Variants in STXBP5 observed in about 807,000 individuals in gnomAD.
STXBP5 encodes the protein syntaxin binding protein 5.
A neutral mutation model predicts 152.4 loss-of-function variants in STXBP5; 50 were observed. The observed-to-expected ratio is 0.33, with a 90% confidence interval of 0.26 to 0.42. The LOEUF is 0.42. STXBP5 is among the 10% of genes least tolerant of loss of function. The probability of loss-of-function intolerance (pLI) is 1.00; values close to 1 mark genes in which losing one functional copy is unlikely to be tolerated. For missense variants in STXBP5, 1,167 were observed against 1,388.6 expected (o/e 0.84, Z 2.54); for synonymous variants, 492 against 494.7 (o/e 0.99, Z 0.07).
intron 26 of STXBP5, among the ~76,000 whole-genome samples, chr6:147,375,875 C>T (rs1785787657): frequency 6.6e-6 from 1 of 151,910 alleles, no homozygotes; most frequent in Admixed American, 6.6e-5. Context: ...GTAAGATGAT[C>T]TTCTGTATAT....
At chr6:147,373,272 C>A (rs1439596055) in intron 25 of STXBP5, among the ~76,000 whole-genome samples, 2 of 133,950 alleles carry the variant, frequency 1.5e-5, no homozygotes, top group African/African-American at 5.6e-5. Flanking sequence ...GGCTGAGACA[C>A]AAGAATCACT....
intron 4 of STXBP5, among the ~76,000 whole-genome samples, chr6:147,240,014 C>A (rs193126489): frequency 8.6e-5 from 13 of 151,680 alleles, no homozygotes; most frequent in African/African-American, 3.1e-4. Context: ...ATGATCTGGG[C>A]TCACTGCAAC....
intron 2 of STXBP5, among the ~76,000 whole-genome samples, chr6:147,222,863 C>CTT (rs1777527539): frequency 6.6e-6 from 1 of 152,200 alleles, no homozygotes; most frequent in Admixed American, 6.5e-5. Context: ...GACTTTCTGA[C>CTT]TTGCCTATTT....
rs1782505925 is a variant in STXBP5, at chr6:147,313,883, G to A, written c.1146-1G>A. The A allele has an allele frequency of 6.6e-7, 1 of 1,516,644 alleles. No homozygotes were observed. Among genetic ancestry groups the A allele is most frequent in the Admixed American group, 1.8e-5 (1 of 56,666 alleles). 93.9% of individuals were successfully genotyped at this position (1,516,644 alleles called of 1,614,324 possible). ...ATACTTTTCTTTTTCTGTTGTTAAAGATATCCTATATTTGAAAATCCCTAC... is the reference window on the plus strand; with the variant it reads ...ATACTTTTCTTTTTCTGTTGTTAAAAATATCCTATATTTGAAAATCCCTAC... On this transcript the variant is annotated splice_acceptor_variant, in intron 11 of 27. Transcript: ENST00000321680. LOFTEE classifies it high-confidence loss of function.
intron 4 of STXBP5, among the ~76,000 whole-genome samples, chr6:147,248,859 A>G (rs1407052021): frequency 6.6e-6 from 1 of 152,206 alleles, no homozygotes; most frequent in Admixed American, 6.5e-5. Context: ...TGAGCACTTA[A>G]GAGACTGGAT....
intron 7 of STXBP5, among the ~76,000 whole-genome samples, chr6:147,268,805 A>G (rs1780014622): frequency 6.6e-6 from 1 of 152,216 alleles, no homozygotes; most frequent in Non-Finnish European, 1.5e-5. Flanking sequence ...ATTGAACAAC[A>G]GTTTTCAGCA....
intron 2 of STXBP5, among the ~76,000 whole-genome samples, chr6:147,226,795 A>G (rs563553742): frequency 6.6e-6 from 1 of 152,282 alleles, no homozygotes; most frequent in South Asian, 2.1e-4. Flanking sequence ...TGAGATTTGT[A>G]CCCTCAGTGC....
At chr6:147,231,772 G>A (rs1380834993) in intron 2 of STXBP5, among the ~76,000 whole-genome samples, 1 of 151,764 alleles carries the variant, frequency 6.6e-6, no homozygotes, top group African/African-American at 2.4e-5. Flanking sequence ...CATAGCCACA[G>A]TAAGTGGAAA....
At chr6:147,292,443 T>C in intron 9 of STXBP5, 1 of 261,716 alleles carries the variant, frequency 3.8e-6, no homozygotes, top group Non-Finnish European at 7.5e-6. Context: ...CAGACATTAG[T>C]TGTTTAATTG....
At chr6:147,249,266 T>C (rs1443724799) in intron 4 of STXBP5, among the ~76,000 whole-genome samples, 1 of 151,358 alleles carries the variant, frequency 6.6e-6, no homozygotes, top group Non-Finnish European at 1.5e-5. Context: ...AAAAAAAAAA[T>C]ACACCTGGTA....
At chr6:147,349,115 A>G (rs1784475468) in intron 21 of STXBP5, among the ~76,000 whole-genome samples, 1 of 152,160 alleles carries the variant, frequency 6.6e-6, no homozygotes, top group South Asian at 2.1e-4. Flanking sequence ...AGCCCTCTGA[A>G]TCTGTTAATT....
chr6:147,269,572 G>T (rs1013771444), intron 7 of STXBP5, among the ~76,000 whole-genome samples: 4 of 152,128 alleles, frequency 2.6e-5, no homozygotes, highest in Admixed American at 6.5e-5. Flanking sequence ...GATACCATTG[G>T]CATCAAAAAT....
intron 2 of STXBP5, among the ~76,000 whole-genome samples, chr6:147,213,267 C>T (rs1264274049): frequency 6.7e-6 from 1 of 150,120 alleles, no homozygotes; most frequent in African/African-American, 2.5e-5. Flanking sequence ...AGAATTTTTT[C>T]TTTCTTTTTT....
intron 4 of STXBP5, among the ~76,000 whole-genome samples, chr6:147,253,867 G>T (rs1354869980): frequency 6.6e-6 from 1 of 152,058 alleles, no homozygotes; most frequent in African/African-American, 2.4e-5. Flanking sequence ...TGGCCATACT[G>T]CCCAAAGTAA....
intron 21 of STXBP5, among the ~76,000 whole-genome samples, chr6:147,345,186 G>A (rs1049858814): frequency 6.6e-6 from 1 of 151,804 alleles, no homozygotes; most frequent in Non-Finnish European, 1.5e-5. Context: ...TGACAGTTTT[G>A]GTTCATTTAT....
chr6:147,375,645 A>G (rs1785775747), intron 26 of STXBP5, among the ~76,000 whole-genome samples: 1 of 150,770 alleles, frequency 6.6e-6, no homozygotes, highest in Non-Finnish European at 1.5e-5. Context: ...ATATATATAA[A>G]GAAAGAAGTC....
chr6:147,354,646 C>T (rs540611179), intron 22 of STXBP5, among the ~76,000 whole-genome samples: 4 of 152,034 alleles, frequency 2.6e-5, no homozygotes, highest in Non-Finnish European at 5.9e-5. Context: ...TCTGGGTAAA[C>T]ACATGTAAAT....
intron 9 of STXBP5, among the ~76,000 whole-genome samples, chr6:147,298,468 A>G (rs895908697): frequency 2.7e-4 from 41 of 152,110 alleles, no homozygotes; most frequent in African/African-American, 8.4e-4. Context: ...TTAAATTGCA[A>G]TGTAGACGAA....
chr6:147,289,042 A>C (rs561604938), intron 8 of STXBP5, among the ~76,000 whole-genome samples: 1 of 152,244 alleles, frequency 6.6e-6, no homozygotes, highest in South Asian at 2.1e-4. Context: ...ATACTCCACC[A>C]TTTTGTTACT....
Sources: allele counts gnomAD v4.1 joint callset (sites outside exome capture counted in the v4.1 genomes callset), GRCh38; gene constraint gnomAD v4.1.1; transcripts MANE v1.5; gene names NCBI Gene and HGNC (gene_info 2026-07-23, HGNC 2026-07-21).